Variants in NEGR1 observed in about 807,000 individuals in gnomAD.
NEGR1 encodes neuronal growth regulator 1.
NEGR1 carries 10 observed loss-of-function variants against 40.9 expected under a neutral mutation model. That is an observed-to-expected ratio of 0.24 (90% confidence interval 0.15 to 0.42). The LOEUF is 0.42. NEGR1 is among the 10% of genes least tolerant of loss of function. NEGR1 has a pLI of 1.00. For synonymous variants in NEGR1, 185 were observed against 166.8 expected (o/e 1.11, Z -0.84); for missense variants, 352 against 438.9 (o/e 0.80, Z 1.77).
chr1:72,158,087 G>C (rs974921558), intron 1 of NEGR1, among the ~76,000 whole-genome samples: 1 of 152,068 alleles, frequency 6.6e-6, no homozygotes, highest in African/African-American at 2.4e-5. Flanking sequence ...AGCCATGGAA[G>C]GGATCAGTAA....
At chr1:71,821,951 G>T (rs1211036531) in intron 2 of NEGR1, among the ~76,000 whole-genome samples, 1 of 151,868 alleles carries the variant, frequency 6.6e-6, no homozygotes, top group Non-Finnish European at 1.5e-5. Context: ...CCCACAACCA[G>T]GTCACATAGG....
At chr1:71,623,601 T>C (rs1333467256) in intron 4 of NEGR1, among the ~76,000 whole-genome samples, 4 of 151,846 alleles carry the variant, frequency 2.6e-5, no homozygotes, top group Non-Finnish European at 4.4e-5. Flanking sequence ...CTTCTATTTA[T>C]GGAGAAAGAA....
chr1:72,246,428 T>G (rs1352440396), intron 1 of NEGR1, among the ~76,000 whole-genome samples: 2 of 152,348 alleles, frequency 1.3e-5, no homozygotes, highest in South Asian at 4.1e-4. Context: ...ATGCTAGTTT[T>G]TATGCCTCCA....
In NEGR1 at chr1:72,003,247, C is replaced by T. The variant is rs1948059; in HGVS notation, c.177-67936G>A. The stretch of plus-strand genomic sequence containing the variant: ...TGGGTCGGAGGTTAGGCTTGACAAT[C>T]TAGAGGCCGTTCTGCTCTGGTGGTA... On this transcript the variant is annotated intron_variant, in intron 1 of 6. Coordinates refer to ENST00000357731, the MANE Select transcript of NEGR1 (RefSeq NM_173808.3). Among the ~76,000 whole-genome samples, 1,493 of 151,774 alleles carry T rather than the reference C, an allele frequency of 9.8e-3. 24 individuals carry two copies. Among genetic ancestry groups the T allele is most frequent in the African/African-American group, 0.035 (1,432 of 41,372 alleles).
At chr1:71,688,346 A>ATATATATATG (rs1653118217) in intron 4 of NEGR1, among the ~76,000 whole-genome samples, 1 of 127,102 alleles carries the variant, frequency 7.9e-6, no homozygotes, top group African/African-American at 2.9e-5. Flanking sequence ...AGATAGATAG[A>ATATATATATG]TAGATAGATT....
At chr1:71,730,028 AAACCTGGTCATTGAAATAGGGG>A (rs1248793763) in intron 3 of NEGR1, among the ~76,000 whole-genome samples, 1 of 152,080 alleles carries the variant, frequency 6.6e-6, no homozygotes, top group Admixed American at 6.6e-5. Context: ...AATGACTGTT[AAACCTGGTCATTGAAATAGGGG>A]ATCAGAAAGA....
At chr1:71,678,267 A>G (rs1652711916) in intron 4 of NEGR1, among the ~76,000 whole-genome samples, 1 of 152,194 alleles carries the variant, frequency 6.6e-6, no homozygotes, top group South Asian at 2.1e-4. Flanking sequence ...GATAATTTTC[A>G]TATATGTATT....
At chr1:71,933,509 A>C (rs955551727) in intron 2 of NEGR1, among the ~76,000 whole-genome samples, 28 of 152,064 alleles carry the variant, frequency 1.8e-4, no homozygotes, top group Middle Eastern at 3.2e-3. Flanking sequence ...AAAATCTTTT[A>C]GAGTCTTTGA....
intron 6 of NEGR1, among the ~76,000 whole-genome samples, chr1:71,457,198 T>C (rs1054283485): frequency 1.3e-5 from 2 of 152,144 alleles, no homozygotes; most frequent in African/African-American, 4.8e-5. Context: ...CACTCTCATG[T>C]GGTCTAAATC....
In NEGR1 at chr1:72,021,512, A is replaced by G. The variant is rs550203250; in HGVS notation, c.177-86201T>C. On this transcript the variant is annotated intron_variant, in intron 1 of 6. Transcript: ENST00000357731. ...TAGCAAATAGCTGGCAAAGTTAATA[A>G]ATCGGAGATAAGTCATAAAAACCAT... 3.9e-5 allele frequency among the ~76,000 whole-genome samples: 6 copies of G among 152,286 alleles called. No homozygotes were observed. In the South Asian group the frequency reaches 1.2e-3, roughly 32 times the overall value.
chr1:72,257,097 C>T (rs992284267), intron 1 of NEGR1, among the ~76,000 whole-genome samples: 2 of 151,828 alleles, frequency 1.3e-5, no homozygotes, highest in Non-Finnish European at 2.9e-5. Context: ...CCGAGGCGGG[C>T]GGATCACGAG....
chr1:72,168,620 T>G (rs1465872918), intron 1 of NEGR1, among the ~76,000 whole-genome samples: 1 of 152,194 alleles, frequency 6.6e-6, no homozygotes, highest in Non-Finnish European at 1.5e-5. Flanking sequence ...CTGGGAGCAG[T>G]GGCTCGTGTC....
intron 6 of NEGR1, among the ~76,000 whole-genome samples, chr1:71,524,355 T>TGTGTGTGTGA (rs1491242523): frequency 7.0e-6 from 1 of 143,778 alleles, no homozygotes; most frequent in South Asian, 2.2e-4. Context: ...TGTGTGTGTG[T>TGTGTGTGTGA]GATATCAACC....
At chr1:71,615,539 T>C (rs572914849) in intron 4 of NEGR1, among the ~76,000 whole-genome samples, 42 of 152,166 alleles carry the variant, frequency 2.8e-4, no homozygotes, top group Non-Finnish European at 4.4e-4. Context: ...AGAGCATACT[T>C]GAGGTGGAAA....
chr1:72,220,805 A>G (rs962804100), intron 1 of NEGR1, among the ~76,000 whole-genome samples: 3 of 152,074 alleles, frequency 2.0e-5, no homozygotes, highest in African/African-American at 7.2e-5. Flanking sequence ...GAAAGAACAC[A>G]CTAAAACTAA....
intron 4 of NEGR1, among the ~76,000 whole-genome samples, chr1:71,667,686 T>A (rs1228171087): frequency 6.6e-6 from 1 of 152,182 alleles, no homozygotes; most frequent in Non-Finnish European, 1.5e-5. Flanking sequence ...TTACTAAAAT[T>A]TTTAATTTAC....
At chr1:72,102,561 C>T (rs938030638) in intron 1 of NEGR1, among the ~76,000 whole-genome samples, 1 of 152,016 alleles carries the variant, frequency 6.6e-6, no homozygotes, top group African/African-American at 2.4e-5. Flanking sequence ...GGTAATCATG[C>T]TGGCTTTGTA....
chr1:71,970,978 G>A (rs185804130), intron 1 of NEGR1, among the ~76,000 whole-genome samples: 3 of 152,182 alleles, frequency 2.0e-5, no homozygotes, highest in Admixed American at 2.0e-4. Flanking sequence ...TAGGAAAGAG[G>A]GTCTTTACAG....
intron 6 of NEGR1, among the ~76,000 whole-genome samples, chr1:71,494,046 A>C (rs867455015): frequency 2.5e-4 from 38 of 152,172 alleles, no homozygotes; most frequent in African/African-American, 9.2e-4. Flanking sequence ...ACAGTGTAAT[A>C]AGGAATTTCA....
Sources: allele counts gnomAD v4.1 joint callset (sites outside exome capture counted in the v4.1 genomes callset), GRCh38; gene constraint gnomAD v4.1.1; transcripts MANE v1.5; gene names NCBI Gene and HGNC (gene_info 2026-07-23, HGNC 2026-07-21).